Variants in BAIAP2L2 observed in about 807,000 individuals in gnomAD.
BAIAP2L2 encodes the protein BAR/IMD domain-containing adapter protein 2-like 2.
A neutral mutation model predicts 60.4 loss-of-function variants in BAIAP2L2; 65 were observed. The observed-to-expected ratio is 1.08, with a 90% CI of 0.88 to 1.32. The LOEUF (loss-of-function observed/expected upper bound fraction) is 1.32. Among genes scored for constraint, BAIAP2L2 ranks in the 40% most tolerant of loss-of-function variants. BAIAP2L2 has a pLI of 0.00. For missense variants in BAIAP2L2, 836 were observed against 741.2 expected, an observed-to-expected ratio of 1.13 and a Z score of -1.48; for synonymous variants, 344 against 301.7, an observed-to-expected ratio of 1.14 and a Z score of -1.45.
At position 38,109,150 on chromosome 22, in the gene BAIAP2L2, T is replaced by TA; in HGVS notation, c.109dup (p.Tyr37LeufsTer44). ...GCACTCACCGTGGAAGGCACGCAGGTAGTTGTTGCCCAGGTACACCAGGTT... is the reference window on the plus strand; with the variant it reads ...GCACTCACCGTGGAAGGCACGCAGGTAAGTTGTTGCCCAGGTACACCAGGTT... On this transcript the variant is annotated frameshift_variant, in exon 2 of 14. Coordinates refer to ENST00000381669, the MANE Select transcript of BAIAP2L2 (RefSeq NM_025045.6). LOFTEE classifies it high-confidence loss of function. The TA allele has an allele frequency of 1.2e-6, 2 of 1,612,508 alleles. No individual in the cohort carries two copies. Among genetic ancestry groups the TA allele is most frequent in the Non-Finnish European group, 8.5e-7 (1 of 1,179,412 alleles).
At chr22:38,103,811 C>T (rs1234544583) in intron 4 of BAIAP2L2, among the ~76,000 whole-genome samples, 1 of 147,414 alleles carries the variant, frequency 6.8e-6, no homozygotes, top group Non-Finnish European at 1.5e-5. Flanking sequence ...TGCAGTGAGC[C>T]GAGATTGCAT....
At chr22:38,101,186 C>T (rs1004860177) in intron 4 of BAIAP2L2, among the ~76,000 whole-genome samples, 2 of 151,832 alleles carry the variant, frequency 1.3e-5, no homozygotes, top group South Asian at 2.1e-4. Flanking sequence ...AGTTTCAAAA[C>T]CTTCCTTCAT....
intron 8 of BAIAP2L2, 32 bp downstream of exon 8, chr22:38,089,490 G>A: frequency 8.5e-7 from 1 of 1,177,070 alleles, no homozygotes; most frequent in Non-Finnish European, 1.1e-6. Flanking sequence ...CGGCGGGGGC[G>A]CGAACGGCGG....
chr22:38,103,862 CAAA>C (rs35813107), intron 4 of BAIAP2L2, among the ~76,000 whole-genome samples: 4 of 109,350 alleles, frequency 3.7e-5, no homozygotes, highest in Admixed American at 9.1e-5. Context: ...GACTCCATGT[CAAA>C]AAAAAAAAAA....
At chr22:38,087,024 A>C in intron 11 of BAIAP2L2, 100 bp downstream of exon 11, 1 of 1,368,568 alleles carries the variant, frequency 7.3e-7, no homozygotes. Flanking sequence ...CAAAACAAAA[A>C]AACAAAAAAA....
intron 7 of BAIAP2L2, among the ~76,000 whole-genome samples, chr22:38,093,133 T>TC (rs113503771): frequency 3.7e-4 from 57 of 152,234 alleles, no homozygotes; most frequent in African/African-American, 1.3e-3. Flanking sequence ...GCCACTGCAC[T>TC]CCAGCCTGAG....
chr22:38,109,937 C>T (rs2086769268), intron 1 of BAIAP2L2, among the ~76,000 whole-genome samples: 1 of 150,214 alleles, frequency 6.7e-6, no homozygotes, highest in African/African-American at 2.5e-5. Flanking sequence ...GTGAAAGGGT[C>T]CTGCACACAG....
At chr22:38,087,013 A>C (rs1362419772) in intron 11 of BAIAP2L2, 111 bp downstream of exon 11, 8 of 1,287,538 alleles carry the variant, frequency 6.2e-6, no homozygotes, top group African/African-American at 1.7e-5. Context: ...AAAAAACAAA[A>C]CAAAACAAAA....
At chr22:38,100,135 C>T (rs1182549655) in intron 4 of BAIAP2L2, among the ~76,000 whole-genome samples, 1 of 152,114 alleles carries the variant, frequency 6.6e-6, no homozygotes, top group African/African-American at 2.4e-5. Flanking sequence ...TGAACAGAAA[C>T]GTGCGTTGTT....
At chr22:38,110,336 C>T in intron 1 of BAIAP2L2, 139 bp downstream of exon 1, 1 of 859,748 alleles carries the variant, frequency 1.2e-6, no homozygotes, top group East Asian at 2.6e-5. Flanking sequence ...CCCGTACCCA[C>T]CCCTGGCCCA....
rs528397864 is a variant in BAIAP2L2, at chr22:38,088,771, G to C, written c.1095C>G (p.Tyr365Ter). 1.3e-6 allele frequency: 2 copies of C among 1,599,406 alleles called. No homozygotes were observed. Among genetic ancestry groups the C allele is most frequent in the Non-Finnish European group, 8.5e-7 (1 of 1,179,056 alleles). Residue 365 changes from tyrosine to a stop codon, truncating the protein, a stop_gained, in exon 10 of 14, where the codon TAC (tyrosine) becomes TAG (stop). Transcript: ENST00000381669. LOFTEE classifies it high-confidence loss of function. ...ACGCGGACGAGCCCTCCAGCTTGCC[G>C]TAGAGCCAGCCGTTCTGGGCCTCGG... The part of the protein sequence containing the change: ...LVPEAQNGWL[Y>*]GKLEGSSASG...
chr22:38,089,138 G>T lies in BAIAP2L2; in HGVS notation c.859C>A (p.Leu287Ile). 1 of 1,351,224 alleles carries T rather than the reference G, an allele frequency of 7.4e-7. No individual in the cohort carries two copies. 83.7% of individuals were successfully genotyped at this position (1,351,224 alleles called of 1,614,324 possible). ...TEPDARPASQ[L>I]EPDRRSLPRT... ...GGCAGGGAGCGACGGTCTGGCTCTAGCTGGGACGCGGGCCTCGCGTCGGGC... is the reference window on the plus strand; with the variant it reads ...GGCAGGGAGCGACGGTCTGGCTCTATCTGGGACGCGGGCCTCGCGTCGGGC... Residue 287 changes from leucine (L) to isoleucine (I), a missense_variant, in exon 9 of 14, where the codon CTA becomes ATA. Transcript: ENST00000381669.
At chr22:38,110,700 C>T (rs940675436), upstream of BAIAP2L2, 23 of 577,140 alleles carry the variant, frequency 4.0e-5, no homozygotes, top group Non-Finnish European at 6.4e-5. Context: ...AATTATTCAC[C>T]AACTCGGGAT....
intron 4 of BAIAP2L2, among the ~76,000 whole-genome samples, chr22:38,105,258 G>A (rs958942054): frequency 4.6e-5 from 7 of 151,770 alleles, no homozygotes; most frequent in Non-Finnish European, 1.0e-4. Context: ...CTTTCCACAA[G>A]CTGTCCTTTC....
intron 11 of BAIAP2L2, 128 bp downstream of exon 11, chr22:38,086,996 A>C (rs1204398992): frequency 8.0e-6 from 5 of 628,294 alleles, no homozygotes; most frequent in Non-Finnish European, 1.0e-5. Context: ...ACTCTGTCTC[A>C]AAAAAAAAAA....
intron 8 of BAIAP2L2, 74 bp downstream of exon 8, chr22:38,089,448 G>T: frequency 1.2e-6 from 1 of 838,414 alleles, no homozygotes; most frequent in African/African-American, 1.8e-5. Context: ...GCTCCAGGCT[G>T]GGGGCCTGAG....
In BAIAP2L2 at chr22:38,100,553, T is replaced by C. The variant is rs955630296; in HGVS notation, c.277-2071A>G. On this transcript the variant is annotated intron_variant, in intron 4 of 13. Coordinates refer to ENST00000381669, the MANE Select transcript of BAIAP2L2 (RefSeq NM_025045.6). ...ATAAATAAATAAATAAATAAATAAA[T>C]AAATAAATAAATAAATAAATAAAGC... is the stretch of plus-strand genomic sequence containing the variant. Among the ~76,000 whole-genome samples, 18 of 150,380 alleles carry C rather than the reference T, an allele frequency of 1.2e-4. No homozygotes were observed. In the South Asian group the frequency reaches 1.7e-3, roughly 14 times the overall value.
intron 1 of BAIAP2L2, among the ~76,000 whole-genome samples, chr22:38,110,120 G>GGAGAGAGAGAGAGAGAGAGAGA (rs1202491630): frequency 1.1e-4 from 2 of 18,876 alleles, no homozygotes; most frequent in East Asian, 1.3e-3. Flanking sequence ...AGAGAGAGAG[G>GGAGAGAGAGAGAGAGAGAGAGA]GAGAGAGAGA....
chr22:38,091,651 C>T (rs898726442), intron 7 of BAIAP2L2: 1 of 151,946 alleles, frequency 6.6e-6, no homozygotes, highest in African/African-American at 2.4e-5. Context: ...AAGTATGACA[C>T]CAAACCCATA....
Sources: gnomAD v4.1 joint callset for allele counts (sites outside exome capture counted in the v4.1 genomes callset) on GRCh38, gnomAD v4.1.1 for gene constraint, MANE v1.5 for transcripts, NCBI Gene and HGNC (gene_info 2026-07-23, HGNC 2026-07-21) for gene names.